Variants in MYOM2 observed in about 807,000 individuals in gnomAD.
MYOM2 encodes the protein myomesin 2, also known as myomesin-2.
MYOM2 carries 254 observed loss-of-function variants against 187.6 expected under a neutral mutation model. That is an observed-to-expected ratio of 1.35 (90% CI 1.22 to 1.50). The LOEUF is 1.50. Among genes scored for constraint, MYOM2 ranks in the 40% most tolerant of loss-of-function variants. MYOM2 has a pLI of 0.00. For missense variants in MYOM2, 2,796 were observed against 1,924.0 expected (o/e 1.45, Z -8.48); for synonymous variants, 981 against 753.8 (o/e 1.30, Z -4.94).
intron 32 of MYOM2, among the ~76,000 whole-genome samples, chr8:2,139,356 G>C (rs567609190): frequency 7.2e-5 from 11 of 151,818 alleles, no homozygotes; most frequent in African/African-American, 2.4e-4. Context: ...TTCCAGGCTG[G>C]TCTCCAACTC....
chr8:2,102,758 C>A lies in MYOM2; in HGVS notation c.2711C>A (p.Pro904His), dbSNP rs768869425. Residue 904 changes from proline to histidine, a missense_variant, in exon 21 of 37, where the codon CCT (proline) becomes CAT (histidine). Transcript: ENST00000262113. ...GGGAAGCCCTCAGACACGTCGGAGCCTGTGCTGGTAGAGGCGAGACCAGGT... is the reference window on the plus strand; with the variant it reads ...GGGAAGCCCTCAGACACGTCGGAGCATGTGCTGGTAGAGGCGAGACCAGGT... The part of the protein sequence containing the change: ...GVGKPSDTSE[P>H]VLVEARPGTK... 6.2e-7 allele frequency: 1 copy of A among 1,613,846 alleles called. No homozygotes were observed. Among genetic ancestry groups the A allele is most frequent in the South Asian group, 1.1e-5 (1 of 91,070 alleles).
intron 14 of MYOM2, among the ~76,000 whole-genome samples, chr8:2,086,387 T>C (rs1373289158): frequency 0.37 from 1,521 of 4,086 alleles, 583 homozygotes; most frequent in East Asian, 0.82. Flanking sequence ...CTGCGTGGCC[T>C]CCCACTGTTG....
chr8:2,098,952 C>G lies in MYOM2; in HGVS notation c.2409C>G (p.Phe803Leu). The G allele has an allele frequency of 6.2e-7, 1 of 1,613,556 alleles. No homozygotes were observed. Among genetic ancestry groups the G allele is most frequent in the Non-Finnish European group, 8.5e-7 (1 of 1,179,814 alleles). The change falls in exon 19 of 37, where the codon TTC (phenylalanine) becomes TTG (leucine). Residue 803 changes from phenylalanine (F) to leucine (L), a missense_variant. Phe to Leu is a conservative substitution (Grantham distance 22). Transcript: ENST00000262113. ...IGEPSDPSEHFKCEAWTMPEP... is the reference protein window; with the variant it reads ...IGEPSDPSEHLKCEAWTMPEP... ...AGCCCTCAGATCCCAGTGAGCACTT[C>G]AAGTGTGAGGCCTGGACCATGCCGG...
At position 2,090,010 on chromosome 8, in the gene MYOM2, C is replaced by G. The variant is rs2294061; in HGVS notation, c.1647C>G (p.Ser549=). ...KDPLMYFIEK[S]VVGSGSWQRV... ...CTCGTTTCTGTTTCTCTTTGTAGTC[C>G]GTGGTGGGGAGCGGCAGCTGGCAGA... Residue 549 remains serine, a splice_region_variant and synonymous_variant, in exon 15 of 37, where the codon TCC becomes TCG. Coordinates refer to ENST00000262113, the MANE Select transcript of MYOM2 (RefSeq NM_003970.4). The G allele has an allele frequency of 0.84, 1,354,394 of 1,613,354 alleles. 570,761 individuals are homozygous for G. Among genetic ancestry groups the G allele is most frequent in the South Asian group, 0.91 (82,941 of 91,036 alleles).
rs763649010 is a variant in MYOM2 at position 2,092,528 on chromosome 8, C to T, written c.2003+8C>T. Reference sequence around the variant, plus strand: ...GCCCATCGGATACAACAGGTGCGGCCTCCCTCCCCAGCCCTGGAGTCAGCC... The same window carrying T: ...GCCCATCGGATACAACAGGTGCGGCTTCCCTCCCCAGCCCTGGAGTCAGCC... On this transcript the variant is annotated splice_region_variant and intron_variant, in intron 16 of 36. Transcript: ENST00000262113. 6 of 1,613,314 alleles carry T rather than the reference C, an allele frequency of 3.7e-6. No individual in the cohort carries two copies. In the South Asian group the frequency reaches 6.6e-5, roughly 18 times the overall value.
At chr8:2,134,485 C>T (rs1316653374) in intron 32 of MYOM2, among the ~76,000 whole-genome samples, 5 of 149,516 alleles carry the variant, frequency 3.3e-5, no homozygotes, top group African/African-American at 1.3e-4. Flanking sequence ...TACTTCAGGA[C>T]TTGGCAAGTC....
At chr8:2,069,209 T>C (rs1819128006) in intron 6 of MYOM2, 69 bp from the exon 7 acceptor site, 3 of 1,458,516 alleles carry the variant, frequency 2.1e-6, no homozygotes, top group East Asian at 4.6e-5. Context: ...GGAATGCTTT[T>C]GTGCAATTCG....
chr8:2,132,242 T>C (rs1477013826), intron 32 of MYOM2, among the ~76,000 whole-genome samples: 2 of 152,018 alleles, frequency 1.3e-5, no homozygotes, highest in South Asian at 4.1e-4. Context: ...CTGGAATATT[T>C]TGTGTTAATG....
At chr8:2,133,741 G>C (rs573925372) in intron 32 of MYOM2, among the ~76,000 whole-genome samples, 25 of 151,746 alleles carry the variant, frequency 1.6e-4, no homozygotes, top group Non-Finnish European at 2.6e-4. Flanking sequence ...GATTACAGGT[G>C]TGAGCCACAG....
At chr8:2,136,975 A>G (rs1303809643) in intron 32 of MYOM2, among the ~76,000 whole-genome samples, 2 of 152,096 alleles carry the variant, frequency 1.3e-5, no homozygotes, top group African/African-American at 4.8e-5. Flanking sequence ...TGGAAACTCC[A>G]CTAGCTTTTC....
At position 2,098,988 on chromosome 8, in the gene MYOM2, G is replaced by C; in HGVS notation, c.2440+5G>C. The C allele has an allele frequency of 6.3e-7, 1 of 1,599,844 alleles. No homozygotes were observed. The highest frequency in any genetic ancestry group is 1.1e-5 in the South Asian group (1 of 90,122). The stretch of plus-strand genomic sequence containing the variant: ...CCTGGACCATGCCGGAGCCCGGTGA[G>C]TCGCTGCCCCCAGGACACCCGCGTT... On this transcript the variant is annotated splice_donor_5th_base_variant and intron_variant, in intron 19 of 36. Coordinates refer to ENST00000262113, the MANE Select transcript of MYOM2 (RefSeq NM_003970.4).
intron 25 of MYOM2, among the ~76,000 whole-genome samples, chr8:2,114,624 C>T (rs1329303600): frequency 1.3e-5 from 2 of 152,066 alleles, no homozygotes; most frequent in Non-Finnish European, 2.9e-5. Flanking sequence ...CGTGCGCCAC[C>T]ACACCTGGCT....
chr8:2,054,849 C>G (rs1316106324), intron 3 of MYOM2, among the ~76,000 whole-genome samples: 1 of 152,200 alleles, frequency 6.6e-6, no homozygotes, highest in African/African-American at 2.4e-5. Flanking sequence ...TTCTTGAACA[C>G]ATATTCCTAG....
intron 6 of MYOM2, among the ~76,000 whole-genome samples, chr8:2,064,718 G>C (rs902982403): frequency 6.6e-6 from 1 of 152,204 alleles, no homozygotes; most frequent in Non-Finnish European, 1.5e-5. Flanking sequence ...TTTGGGAGAG[G>C]CTGCTGGCTG....
chr8:2,065,213 G>A (rs1006448397), intron 6 of MYOM2, among the ~76,000 whole-genome samples: 1 of 152,112 alleles, frequency 6.6e-6, no homozygotes, highest in African/African-American at 2.4e-5. Flanking sequence ...AAGAATGATC[G>A]GGCTGGTCTC....
intron 18 of MYOM2, among the ~76,000 whole-genome samples, chr8:2,096,687 T>C (rs937547891): frequency 3.9e-5 from 6 of 152,204 alleles, no homozygotes; most frequent in Admixed American, 3.9e-4. Context: ...ACCTCTGGTG[T>C]GACCAGCATC....
chr8:2,121,040 A>G (rs886737616), intron 28 of MYOM2, among the ~76,000 whole-genome samples: 2 of 152,132 alleles, frequency 1.3e-5, no homozygotes, highest in Non-Finnish European at 1.5e-5. Context: ...GTCTTGCTCA[A>G]CAAATGAAAA....
chr8:2,113,276 C>A (rs901887930), intron 25 of MYOM2, among the ~76,000 whole-genome samples: 21 of 152,228 alleles, frequency 1.4e-4, no homozygotes, highest in African/African-American at 3.4e-4. Flanking sequence ...GGATGTGGTC[C>A]TTCTACCGTC....
At chr8:2,120,689 A>AATATATATTTATAAT (rs1554432195) in intron 28 of MYOM2, among the ~76,000 whole-genome samples, 1 of 42,414 alleles carries the variant, frequency 2.4e-5, no homozygotes, top group Non-Finnish European at 4.7e-5. Flanking sequence ...ATTATATATA[A>AATATATATTTATAAT]ATATATAATA....
Sources: gnomAD v4.1 joint callset for allele counts (sites outside exome capture counted in the v4.1 genomes callset) on GRCh38, gnomAD v4.1.1 for gene constraint, MANE v1.5 for transcripts, NCBI Gene and HGNC (gene_info 2026-07-23, HGNC 2026-07-21) for gene names.